Variants in KCNIP1 observed in about 807,000 individuals in gnomAD.
The protein encoded by KCNIP1 is potassium voltage-gated channel interacting protein 1.
In KCNIP1, 18 loss-of-function variants were observed where a neutral mutation model predicts 33.0. The ratio of observed to expected loss-of-function variants is 0.55; its 90% CI spans 0.38 to 0.81. The LOEUF is 0.81. KCNIP1 is among the 30% of genes least tolerant of loss of function. The pLI is 0.00. For missense variants in KCNIP1, 238 were observed against 271.6 expected, an observed-to-expected ratio of 0.88 and a Z score of 0.87; for synonymous variants, 93 against 98.3, an observed-to-expected ratio of 0.95 and a Z score of 0.32.
intron 1 of KCNIP1, chr5:170,712,957 CA>C: frequency 7.7e-7 from 1 of 1,299,660 alleles, no homozygotes; most frequent in Non-Finnish European, 1.1e-6. Flanking sequence ...TAATCAAGCT[CA>C]TGTTTTGTAA....
At chr5:170,726,448 G>T (rs1001568571) in intron 5 of KCNIP1, among the ~76,000 whole-genome samples, 2 of 152,070 alleles carry the variant, frequency 1.3e-5, no homozygotes, top group East Asian at 3.9e-4. Context: ...GCACAGAATG[G>T]CCACAATTAA....
intron 1 of KCNIP1, among the ~76,000 whole-genome samples, chr5:170,510,220 C>T (rs1266428308): frequency 6.6e-6 from 1 of 152,236 alleles, no homozygotes; most frequent in East Asian, 1.9e-4. Context: ...TGCTGCTTCC[C>T]TTAACTACAA....
intron 1 of KCNIP1, chr5:170,383,442 AG>A (rs1453886795): frequency 1.6e-6 from 1 of 611,686 alleles, no homozygotes; most frequent in African/African-American, 1.8e-5. Flanking sequence ...GTGGAAACTG[AG>A]GAGGTGAGAG....
At chr5:170,480,168 ACTTATT>A (rs1312608188) in intron 1 of KCNIP1, among the ~76,000 whole-genome samples, 1 of 152,210 alleles carries the variant, frequency 6.6e-6, no homozygotes, top group East Asian at 1.9e-4. Context: ...GTACTTTTAT[ACTTATT>A]CTTATATTTT....
chr5:170,429,136 G>T (rs1755684034), intron 1 of KCNIP1, among the ~76,000 whole-genome samples: 1 of 152,122 alleles, frequency 6.6e-6, no homozygotes, highest in African/African-American at 2.4e-5. Flanking sequence ...AGCCCAAGGT[G>T]CTTTCCTGGT....
exon 1 of KCNIP1, chr5:170,353,744 G>A (rs151218361): frequency 2.2e-5 from 17 of 761,244 alleles, no homozygotes; most frequent in Middle Eastern, 3.7e-4. Flanking sequence ...TGCTGTTCCC[G>A]GAGCCTGGCT....
At chr5:170,723,539 C>T (rs2113878360) in intron 5 of KCNIP1, among the ~76,000 whole-genome samples, 1 of 152,282 alleles carries the variant, frequency 6.6e-6, no homozygotes, top group South Asian at 2.1e-4. Context: ...GATATCAGCA[C>T]CAATCTTCAC....
intron 1 of KCNIP1, among the ~76,000 whole-genome samples, chr5:170,632,233 G>A (rs779869935): frequency 1.9e-4 from 29 of 152,204 alleles, no homozygotes; most frequent in Admixed American, 7.2e-4. Flanking sequence ...GAGCGAGCAA[G>A]AGAGACCCTC....
intron 1 of KCNIP1, among the ~76,000 whole-genome samples, chr5:170,411,690 T>A (rs907510595): frequency 6.6e-6 from 1 of 152,202 alleles, no homozygotes; most frequent in Non-Finnish European, 1.5e-5. Context: ...TGCCAGACAA[T>A]CTTCTAGGTG....
chr5:170,480,509 C>A lies in KCNIP1; in HGVS notation c.88+126545C>A, dbSNP rs1022078254. Among the ~76,000 whole-genome samples, 106 of 149,144 alleles carry A rather than the reference C, an allele frequency of 7.1e-4. 1 individual carries two copies. The highest frequency in any genetic ancestry group is 1.2e-4 in the Non-Finnish European group (8 of 67,610). Reference sequence around the variant, plus strand: ...TTTTTTTTTTTGAGACAAAGTCTCGCTCTATCACCCAGGCTAGAGTGCAGT... The same window carrying A: ...TTTTTTTTTTTGAGACAAAGTCTCGATCTATCACCCAGGCTAGAGTGCAGT... On this transcript the variant is annotated intron_variant, in intron 1 of 7. Coordinates refer to the KCNIP1 transcript ENST00000377360.
At chr5:170,471,461 G>A (rs917011619) in intron 1 of KCNIP1, among the ~76,000 whole-genome samples, 2 of 152,170 alleles carry the variant, frequency 1.3e-5, no homozygotes, top group African/African-American at 4.8e-5. Context: ...TTCCCTTCAA[G>A]GGCGAGGGTA....
chr5:170,538,400 T>A (rs1217312163), intron 1 of KCNIP1, among the ~76,000 whole-genome samples: 2 of 152,140 alleles, frequency 1.3e-5, no homozygotes, highest in Non-Finnish European at 2.9e-5. Flanking sequence ...CCCTTTCCAA[T>A]GGGGTGGTGA....
At chr5:170,540,480 T>C (rs1032594148) in intron 1 of KCNIP1, among the ~76,000 whole-genome samples, 21 of 152,302 alleles carry the variant, frequency 1.4e-4, no homozygotes, top group Admixed American at 1.3e-3. Flanking sequence ...TTGGGGACAA[T>C]AATTTATCCA....
chr5:170,667,096 G>C (rs1012605166), intron 1 of KCNIP1, among the ~76,000 whole-genome samples: 1 of 152,180 alleles, frequency 6.6e-6, no homozygotes, highest in Non-Finnish European at 1.5e-5. Flanking sequence ...GGCGGATCAC[G>C]AGGTCAGGAG....
chr5:170,503,744 A>ACG (rs1754566090), upstream of KCNIP1, among the ~76,000 whole-genome samples: 1 of 150,154 alleles, frequency 6.7e-6, no homozygotes, highest in Non-Finnish European at 1.5e-5. Context: ...ACACACACAC[A>ACG]CACACACACA....
At chr5:170,519,920 A>G (rs1300204179) in intron 1 of KCNIP1, among the ~76,000 whole-genome samples, 1 of 152,166 alleles carries the variant, frequency 6.6e-6, no homozygotes, top group Non-Finnish European at 1.5e-5. Context: ...TCAGGTAGAA[A>G]GAATTCAAGC....
rs538919346 is a variant in KCNIP1, at chr5:170,371,690, T to G, written c.88+17726T>G. Among the ~76,000 whole-genome samples, 4 of 152,312 alleles carry G rather than the reference T, an allele frequency of 2.6e-5. No homozygotes were observed. In the South Asian group the frequency reaches 8.3e-4, roughly 32 times the overall value. On this transcript the variant is annotated intron_variant, in intron 1 of 7. Coordinates refer to the KCNIP1 transcript ENST00000377360. ...GCCTGGAAAGATCCTGGCATTCAGGTAGGTGTTCAACAAATGCTAGCCCTT... is the reference window on the plus strand; with the variant it reads ...GCCTGGAAAGATCCTGGCATTCAGGGAGGTGTTCAACAAATGCTAGCCCTT...
intron 1 of KCNIP1, among the ~76,000 whole-genome samples, chr5:170,441,662 A>G (rs17072664): frequency 2.0e-5 from 3 of 152,062 alleles, no homozygotes; most frequent in Non-Finnish European, 4.4e-5. Context: ...GAGAAAATGT[A>G]GTCTTAAAGA....
chr5:170,438,328 C>G (rs548959686), intron 1 of KCNIP1, among the ~76,000 whole-genome samples: 1 of 152,268 alleles, frequency 6.6e-6, no homozygotes, highest in African/African-American at 2.4e-5. Flanking sequence ...CAGAGCAGGG[C>G]CCACTCTGGG....
Sources: allele counts gnomAD v4.1 joint callset (sites outside exome capture counted in the v4.1 genomes callset), GRCh38; gene constraint gnomAD v4.1.1; transcripts MANE v1.5; gene names NCBI Gene and HGNC (gene_info 2026-07-23, HGNC 2026-07-21).